The following PRKCE variants were observed in gnomAD, a reference collection of about 807,000 sequenced individuals.
The protein encoded by PRKCE is protein kinase C epsilon type.
Under a neutral mutation model 85.4 loss-of-function variants are expected in PRKCE, and 16 were observed. The observed-to-expected ratio is 0.19, with a 90% CI of 0.13 to 0.28. The LOEUF (loss-of-function observed/expected upper bound fraction) is 0.28, where lower values mean the gene tolerates loss of function less well. PRKCE is among the 10% of genes least tolerant of loss of function. The pLI is 1.00. For synonymous variants in PRKCE, 388 were observed against 371.5 expected, an observed-to-expected ratio of 1.04 and a Z score of -0.51; for missense variants, 573 against 975.2, an observed-to-expected ratio of 0.59 and a Z score of 5.49.
At chr2:45,656,287 A>C (rs1415849031) in intron 1 of PRKCE, among the ~76,000 whole-genome samples, 2 of 152,218 alleles carry the variant, frequency 1.3e-5, no homozygotes, top group African/African-American at 4.8e-5. Context: ...TACAGAAACA[A>C]AGTTCATTCC....
intron 2 of PRKCE, among the ~76,000 whole-genome samples, chr2:45,934,451 C>G (rs1699283257): frequency 6.6e-6 from 1 of 152,090 alleles, no homozygotes; most frequent in South Asian, 2.1e-4. Flanking sequence ...GAGTTTGAGA[C>G]CAGCCTGGTC....
chr2:45,780,933 C>G (rs1686132526), intron 1 of PRKCE, among the ~76,000 whole-genome samples: 1 of 152,212 alleles, frequency 6.6e-6, no homozygotes, highest in South Asian at 2.1e-4. Context: ...TGTCTCAGCT[C>G]AGAGCCAGGA....
chr2:45,832,014 A>T (rs1294310202), intron 1 of PRKCE, among the ~76,000 whole-genome samples: 3 of 152,118 alleles, frequency 2.0e-5, no homozygotes, highest in Non-Finnish European at 4.4e-5. Context: ...GGCATTTCTG[A>T]CTCCTAAATT....
chr2:45,840,730 G>C (rs1005802717), intron 1 of PRKCE, among the ~76,000 whole-genome samples: 4 of 152,174 alleles, frequency 2.6e-5, no homozygotes, highest in African/African-American at 9.7e-5. Context: ...AACCATTAGA[G>C]GCTGAGTCAG....
rs1481001840 is a variant in PRKCE at position 46,155,839 on chromosome 2, G to A, written c.1921-3767G>A. On this transcript the variant is annotated intron_variant, in intron 13 of 14. Transcript: ENST00000306156. This position sits in a 1 kb window ranked among gnomAD's most constrained non-coding sequence, Gnocchi z 4.7. ...TTGGAGCCACCACCGCCTCTCCCTT[G>A]GTGAACTGCAGGACCTCCTAACGGG... Among the ~76,000 whole-genome samples the A allele has an allele frequency of 6.6e-6, 1 of 152,010 alleles. No individual in the cohort carries two copies.
In PRKCE at chr2:45,966,414, T is replaced by A. The variant is rs116491003; in HGVS notation, c.413-10015T>A. ...GTCAGATAGTAGTACCTCATACACT[T>A]AAGGTGCTTGGAATCATGCTCAGCA... is the stretch of plus-strand genomic sequence containing the variant. On this transcript the variant is annotated intron_variant, in intron 2 of 14. Coordinates refer to ENST00000306156, the MANE Select transcript of PRKCE (RefSeq NM_005400.3). Among the ~76,000 whole-genome samples, 162 of 152,304 alleles carry A rather than the reference T, an allele frequency of 1.1e-3. 1 individual carries two copies. The highest frequency in any genetic ancestry group is 3.7e-3 in the African/African-American group (155 of 41,562).
intron 3 of PRKCE, 140 bp downstream of exon 3, chr2:45,976,728 A>T: frequency 5.7e-6 from 6 of 1,060,408 alleles, no homozygotes; most frequent in Non-Finnish European, 8.1e-6. Context: ...GGGGACTATT[A>T]TGGAAGGCTA....
intron 10 of PRKCE, among the ~76,000 whole-genome samples, chr2:46,029,694 T>C (rs1707383474): frequency 6.6e-6 from 1 of 151,418 alleles, no homozygotes; most frequent in Non-Finnish European, 1.5e-5. Flanking sequence ...GGTTTTTTTT[T>C]TTTTGTGGGA....
At chr2:46,136,031 C>CTCAA (rs1674959804) in intron 11 of PRKCE, among the ~76,000 whole-genome samples, 1 of 152,064 alleles carries the variant, frequency 6.6e-6, no homozygotes, top group Non-Finnish European at 1.5e-5. Context: ...CACAGTCATT[C>CTCAA]TCAAGTCTCC....
At chr2:45,859,494 C>G (rs1339843299) in intron 2 of PRKCE, among the ~76,000 whole-genome samples, 2 of 152,144 alleles carry the variant, frequency 1.3e-5, no homozygotes, top group Non-Finnish European at 2.9e-5. Flanking sequence ...TATTATCAGA[C>G]TTTTAAGTTT....
At chr2:45,831,180 A>G (rs867811932) in intron 1 of PRKCE, among the ~76,000 whole-genome samples, 4 of 152,250 alleles carry the variant, frequency 2.6e-5, no homozygotes, top group African/African-American at 4.8e-5. Context: ...GATGCTAGGT[A>G]TATTAGCCAT....
intron 10 of PRKCE, among the ~76,000 whole-genome samples, chr2:46,036,424 A>C (rs1195383631): frequency 2.6e-5 from 4 of 152,066 alleles, no homozygotes; most frequent in Admixed American, 2.6e-4. Context: ...CACACACACA[A>C]AATTAATTAA....
chr2:46,151,118 A>G lies in PRKCE; in HGVS notation c.1809A>G (p.Gly603=), dbSNP rs1574606977. ...TGCTGATGTACGAGATGATGGCTGG[A>G]CAGCCTCCCTTTGAGGCCGACAATG... ...LGVLMYEMMA[G]QPPFEADNED... Residue 603 remains glycine, a synonymous_variant, in exon 13 of 15, where the codon GGA becomes GGG. Transcript: ENST00000306156. The G allele has an allele frequency of 1.3e-6, 2 of 1,599,408 alleles. No individual in the cohort carries two copies. Among genetic ancestry groups the G allele is most frequent in the Non-Finnish European group, 8.5e-7 (1 of 1,179,888 alleles).
chr2:46,147,365 G>A (rs530465606), intron 12 of PRKCE, among the ~76,000 whole-genome samples: 2 of 152,164 alleles, frequency 1.3e-5, no homozygotes, highest in Non-Finnish European at 2.9e-5. Flanking sequence ...CTCAGTTCCA[G>A]TTCCTCTGTA....
rs139975578 is a variant in PRKCE at position 46,084,876 on chromosome 2, C to A, written c.1438-1332C>A. 2.7e-3 allele frequency among the ~76,000 whole-genome samples: 414 copies of A among 152,292 alleles called. 5 individuals carry two copies. Among genetic ancestry groups the A allele is most frequent in the African/African-American group, 9.4e-3 (392 of 41,550 alleles). On this transcript the variant is annotated intron_variant, in intron 10 of 14. Coordinates refer to ENST00000306156, the MANE Select transcript of PRKCE (RefSeq NM_005400.3). ...CATGTCCTGGCATTGGTTCCTGCTG[C>A]CCCCGACCTTCTTTTTCTCTCCAGG... is the stretch of plus-strand genomic sequence containing the variant.
In PRKCE at chr2:45,907,490, A is replaced by T. The variant is rs1160861543; in HGVS notation, c.412+64427A>T. ...GTCCCTGCCACAGAGGTAACAATGG[A>T]CGAAGCACACTTCTGAGGGCGTCAT... On this transcript the variant is annotated intron_variant, in intron 2 of 14. Transcript: ENST00000306156. This position sits in a 1 kb window ranked among gnomAD's most constrained non-coding sequence, Gnocchi z 4.5. Among the ~76,000 whole-genome samples the T allele has an allele frequency of 6.6e-6, 1 of 152,192 alleles. No individual in the cohort carries two copies. The highest frequency in any genetic ancestry group is 2.4e-5 in the African/African-American group (1 of 41,450).
intron 2 of PRKCE, among the ~76,000 whole-genome samples, chr2:45,963,377 C>T (rs762548699): frequency 3.3e-5 from 5 of 151,838 alleles, no homozygotes; most frequent in Non-Finnish European, 7.4e-5. Context: ...GGCGTGATCT[C>T]GGCTCACTGC....
chr2:46,077,802 A>G (rs1470419055), intron 10 of PRKCE, among the ~76,000 whole-genome samples: 1 of 152,184 alleles, frequency 6.6e-6, no homozygotes, highest in Non-Finnish European at 1.5e-5. Flanking sequence ...CCTTCTTTCT[A>G]TTACCCACAC....
chr2:45,751,300 A>C (rs367741221), intron 1 of PRKCE, among the ~76,000 whole-genome samples: 6 of 152,220 alleles, frequency 3.9e-5, no homozygotes, highest in African/African-American at 1.4e-4. Context: ...ATGAACTGAG[A>C]TAATAAAGCC....
Sources: allele counts gnomAD v4.1 joint callset (sites outside exome capture counted in the v4.1 genomes callset), GRCh38; gene constraint gnomAD v4.1.1; non-coding constraint Gnocchi (gnomAD v3.1); transcripts MANE v1.5; gene names NCBI Gene and HGNC (gene_info 2026-07-23, HGNC 2026-07-21).